Variants in SMG1 observed in about 807,000 individuals in gnomAD.
SMG1 encodes the protein serine/threonine-protein kinase SMG1.
In SMG1, 22 loss-of-function variants were observed where a neutral mutation model predicts 419.9. That is an observed-to-expected ratio of 0.05 (90% confidence interval 0.04 to 0.07). SMG1 has a LOEUF of 0.07. Ranked by LOEUF, SMG1 falls within the 10% of genes least tolerant of loss-of-function variation. The probability of loss-of-function intolerance (pLI) is 1.00; values close to 1 mark genes in which losing one functional copy is unlikely to be tolerated. For missense variants in SMG1, 3,185 were observed against 4,342.0 expected, an observed-to-expected ratio of 0.73 and a Z score of 7.49; for synonymous variants, 1,538 against 1,553.5, an observed-to-expected ratio of 0.99 and a Z score of 0.23.
At chr16:18,893,462 G>A (rs1170372653) in intron 3 of SMG1, among the ~76,000 whole-genome samples, 2 of 151,894 alleles carry the variant, frequency 1.3e-5, no homozygotes, top group African/African-American at 2.4e-5. Context: ...CCATCTCTAC[G>A]AAAAATACAA....
chr16:18,913,133 T>C (rs2037851707), intron 1 of SMG1, among the ~76,000 whole-genome samples: 1 of 152,140 alleles, frequency 6.6e-6, no homozygotes, highest in Admixed American at 6.5e-5. Context: ...TAGGTTTTTC[T>C]GTCTGGCAAA....
intron 1 of SMG1, among the ~76,000 whole-genome samples, chr16:18,904,670 C>T (rs2037488054): frequency 2.0e-5 from 3 of 152,134 alleles, no homozygotes; most frequent in South Asian, 4.2e-4. Flanking sequence ...GGTGAAGTGG[C>T]TCACGCCTGT....
rs764152905 is a variant in SMG1, at chr16:18,854,890, T to C, written c.4249A>G (p.Ile1417Val). 124 of 1,613,788 alleles carry C rather than the reference T, an allele frequency of 7.7e-5. No individual in the cohort carries two copies. Among genetic ancestry groups the C allele is most frequent in the Middle Eastern group, 1.6e-4 (1 of 6,084 alleles). ...LEKIKEQTVP[I>V]RSHLMELGLT... ...CCTAATTCCATGAGATGGCTTCTAA[T>C]TGGGACTGTTTGTTCTGAAGAGAGG... Residue 1417 changes from isoleucine to valine, a missense_variant, in exon 30 of 63, where the codon ATT becomes GTT. Ile to Val is a conservative substitution (Grantham distance 29, BLOSUM62 3). This residue lies in a region of SMG1 where 493 missense variants were observed against 552.9 expected (regional missense o/e 0.89). Transcript: ENST00000446231.
At chr16:18,873,938 C>A (rs115197676) in intron 13 of SMG1, among the ~76,000 whole-genome samples, 1,959 of 152,268 alleles carry the variant, frequency 0.013, 54 homozygotes, top group African/African-American at 0.045. Flanking sequence ...GTGAATTCCT[C>A]AAAAATCAAG....
Position 18,853,565 on chromosome 16 carries a change from C to G in SMG1, c.4768+18G>C. 6.6e-7 allele frequency: 1 copy of G among 1,526,462 alleles called. No homozygotes were observed. The highest frequency in any genetic ancestry group is 2.4e-5 in the East Asian group (1 of 42,526). 94.6% of individuals were successfully genotyped at this position (1,526,462 alleles called of 1,614,324 possible). On this transcript the variant is annotated intron_variant, in intron 31 of 62. Transcript: ENST00000446231. ...AGCTTCTAAAATTAATATTCTAAAG[C>G]TAATAAAGCAACTCTACCTGTAGAT... is the stretch of plus-strand genomic sequence containing the variant.
chr16:18,809,765 T>C, intron 62 of SMG1, 119 bp from the exon 63 acceptor site: 1 of 688,896 alleles, frequency 1.5e-6, no homozygotes, highest in East Asian at 2.8e-5. Context: ...ATACTTACCC[T>C]GCTCCTGTAA....
Position 18,869,099 on chromosome 16 carries a change from G to A in SMG1, c.2833+5C>T, listed in dbSNP as rs780918761. On this transcript the variant is annotated splice_donor_5th_base_variant and intron_variant, in intron 20 of 62. Transcript: ENST00000446231. ...TATTCACATCACAAAGCTTGAGTGA[G>A]TTACCTTCAATTGTCTGGAAGGTGT... 1.2e-6 allele frequency: 2 copies of A among 1,608,566 alleles called. No homozygotes were observed. Among genetic ancestry groups the A allele is most frequent in the Non-Finnish European group, 1.7e-6 (2 of 1,176,772 alleles).
intron 1 of SMG1, among the ~76,000 whole-genome samples, chr16:18,916,944 T>C (rs1274100924): frequency 1.3e-5 from 2 of 152,076 alleles, no homozygotes; most frequent in African/African-American, 2.4e-5. Context: ...AACAATTCAA[T>C]GTTCCCAAAA....
intron 1 of SMG1, among the ~76,000 whole-genome samples, chr16:18,907,113 G>A (rs1005763457): frequency 5.3e-5 from 8 of 151,936 alleles, no homozygotes; most frequent in African/African-American, 1.5e-4. Context: ...ACGAAACCCC[G>A]TCTATGAAAA....
intron 39 of SMG1, among the ~76,000 whole-genome samples, chr16:18,843,750 A>G (rs926696890): frequency 2.0e-5 from 3 of 152,248 alleles, no homozygotes; most frequent in Admixed American, 2.0e-4. Context: ...GGCGGAAACT[A>G]AACAGTGTCA....
At position 18,853,644 on chromosome 16, in the gene SMG1, T is replaced by C. The variant is rs1434649109; in HGVS notation, c.4707A>G (p.Ile1569Met). 2 of 1,611,430 alleles carry C rather than the reference T, an allele frequency of 1.2e-6. No individual in the cohort carries two copies. The highest frequency in any genetic ancestry group is 1.7e-6 in the Non-Finnish European group (2 of 1,178,526). Residue 1569 changes from isoleucine to methionine, a missense_variant, in exon 31 of 63, where the codon ATA (isoleucine) becomes ATG (methionine). Physicochemically the swap from Ile to Met is conservative, Grantham distance 10 (BLOSUM62 1). Transcript: ENST00000446231. ...CCATCGTATTAACAGATGGCAGTTC[T>C]ATTAGAGTGAGTATGTTTTTAGACA... ...STLSKNILTL[I>M]ELPSVNTMEE... is the part of the protein sequence containing the mutation.
intron 51 of SMG1, 88 bp from the exon 52 acceptor site, chr16:18,830,457 AT>A: frequency 7.2e-7 from 1 of 1,397,126 alleles, no homozygotes; most frequent in Non-Finnish European, 1.0e-6. Context: ...TCACAGCTGC[AT>A]GCTGTGAGAG....
chr16:18,812,671 T>C (rs8044770), intron 60 of SMG1, among the ~76,000 whole-genome samples: 10,054 of 150,962 alleles, frequency 0.067, 1,116 homozygotes, highest in African/African-American at 0.23. Flanking sequence ...CATATATATA[T>C]ACACACACAT....
At chr16:18,835,748 A>G (rs1268635418) in intron 48 of SMG1, among the ~76,000 whole-genome samples, 185 bp downstream of exon 48, 1 of 152,168 alleles carries the variant, frequency 6.6e-6, no homozygotes, top group Non-Finnish European at 1.5e-5. Context: ...TACTAAAAAG[A>G]CAAAAATTAG....
intron 1 of SMG1, among the ~76,000 whole-genome samples, chr16:18,906,867 T>G (rs2141928666): frequency 6.6e-6 from 1 of 152,354 alleles, no homozygotes; most frequent in Non-Finnish European, 1.5e-5. Context: ...CAAGATACAG[T>G]TCAGGCCTCA....
In SMG1 at chr16:18,838,482, C is replaced by G. The variant is rs780239863; in HGVS notation, c.7085-16G>C. ...AGGCTTTTACCTTGAAAAGACAAAT[C>G]ATTATATTTTTGCCCTTTCACCAAA... is the stretch of plus-strand genomic sequence containing the variant. On this transcript the variant is annotated splice_polypyrimidine_tract_variant and intron_variant, in intron 43 of 62. Transcript: ENST00000446231. 2.5e-6 allele frequency: 4 copies of G among 1,613,842 alleles called. No individual in the cohort carries two copies. Among genetic ancestry groups the G allele is most frequent in the African/African-American group, 2.7e-5 (2 of 74,934 alleles).
At chr16:18,838,835 G>A in intron 42 of SMG1, 146 bp from the exon 43 acceptor site, 1 of 641,508 alleles carries the variant, frequency 1.6e-6, no homozygotes, top group Non-Finnish European at 2.7e-6. Context: ...CATTCCTCAA[G>A]GTTGCTGCAT....
rs375754146 is a variant in SMG1 at position 18,812,527 on chromosome 16, CGT to C, written c.10622-402_10622-401del. On this transcript the variant is annotated intron_variant, in intron 60 of 62. Coordinates refer to ENST00000446231, the MANE Select transcript of SMG1 (RefSeq NM_015092.5). Reference sequence around the variant, plus strand: ...GGTAATATGATATTTTGGGTATCCACGTGTTAATCTTTGTGAACTATTTTATA... The same window carrying C: ...GGTAATATGATATTTTGGGTATCCACGTTAATCTTTGTGAACTATTTTATA... 1.5e-3 allele frequency among the ~76,000 whole-genome samples: 223 copies of C among 151,550 alleles called. 1 individual carries two copies. The highest frequency in any genetic ancestry group is 5.2e-3 in the African/African-American group (213 of 41,318).
chr16:18,811,651 C>T (rs1345726920), intron 62 of SMG1, 110 bp downstream of exon 62: 2 of 987,040 alleles, frequency 2.0e-6, no homozygotes, highest in African/African-American at 3.2e-5. Context: ...CCTGAAAACA[C>T]ATTTAAGTTC....
Sources: gnomAD v4.1 joint callset for allele counts (sites outside exome capture counted in the v4.1 genomes callset) on GRCh38, gnomAD v4.1.1 for gene constraint, gnomAD v4.1.1 regional missense constraint, MANE v1.5 for transcripts, NCBI Gene and HGNC (gene_info 2026-07-23, HGNC 2026-07-21) for gene names.